The following LMO3 variants were observed in gnomAD, a reference collection of about 807,000 sequenced individuals.
LMO3 encodes LIM domain only 3.
Under a neutral mutation model 15.8 loss-of-function variants are expected in LMO3, and 2 were observed. The ratio of observed to expected loss-of-function variants is 0.13; its 90% CI spans 0.05 to 0.40. LMO3 has a LOEUF of 0.40. LMO3 is among the 10% of genes least tolerant of loss of function. The pLI is 0.99. For synonymous variants in LMO3, 62 were observed against 63.8 expected (o/e 0.97, Z 0.13); for missense variants, 86 against 182.2 (o/e 0.47, Z 3.04).
rs532025072 is a variant in LMO3, at chr12:16,585,166, C to T, written c.206+15489G>A. On this transcript the variant is annotated intron_variant, in intron 2 of 3. Transcript: ENST00000537304. This position sits in a 1 kb window ranked among gnomAD's most constrained non-coding sequence, Gnocchi z 4.7. ...GGCGCATGCAAGCCCCAGTTCACAA[C>T]GTTATTTTTCCTTCCAGACTCCGGA... is the stretch of plus-strand genomic sequence containing the variant. 1.3e-5 allele frequency among the ~76,000 whole-genome samples: 2 copies of T among 152,284 alleles called. No homozygotes were observed. Among genetic ancestry groups the T allele is most frequent in the African/African-American group, 4.8e-5 (2 of 41,564 alleles).
chr12:16,586,459 G>A lies in LMO3; in HGVS notation c.206+14196C>T, dbSNP rs1367582247. Among the ~76,000 whole-genome samples the A allele has an allele frequency of 6.6e-6, 1 of 152,128 alleles. No homozygotes were observed. Among genetic ancestry groups the A allele is most frequent in the Non-Finnish European group, 1.5e-5 (1 of 68,038 alleles). ...CACACAGCTGAGTCACAGAGGCCCT[G>A]GACAATGTGTCTGGACAAATCTCAC... On this transcript the variant is annotated intron_variant, in intron 2 of 3. Coordinates refer to ENST00000537304, the MANE Select transcript of LMO3 (RefSeq NM_018640.5). This position sits in a 1 kb window ranked among gnomAD's most constrained non-coding sequence, Gnocchi z 4.3.
chr12:16,603,721 G>A lies in LMO3; in HGVS notation c.-9+2345C>T, dbSNP rs990608845. Among the ~76,000 whole-genome samples, 15 of 152,100 alleles carry A rather than the reference G, an allele frequency of 9.9e-5. No individual in the cohort carries two copies. The highest frequency in any genetic ancestry group is 8.8e-5 in the Non-Finnish European group (6 of 68,030). On this transcript the variant is annotated intron_variant, in intron 1 of 3. Coordinates refer to ENST00000537304, the MANE Select transcript of LMO3 (RefSeq NM_018640.5). This position sits in a 1 kb window ranked among gnomAD's most constrained non-coding sequence, Gnocchi z 4.9. ...AATTGCCTGGATTGCATTGTGAAGC[G>A]GCCTAACGGTTGATTGCCTCCATTA... is the stretch of plus-strand genomic sequence containing the variant.
chr12:16,553,546 T>C (rs1307815648), intron 3 of LMO3, among the ~76,000 whole-genome samples: 1 of 152,146 alleles, frequency 6.6e-6, no homozygotes, highest in African/African-American at 2.4e-5. Context: ...TGTTATCAAC[T>C]GGATAAAGTG....
intron 2 of LMO3, among the ~76,000 whole-genome samples, chr12:16,566,481 C>T (rs1420755941): frequency 6.6e-6 from 1 of 151,888 alleles, no homozygotes; most frequent in Non-Finnish European, 1.5e-5. Context: ...TAGATCATTA[C>T]ACAAAATATA....
intron 2 of LMO3, among the ~76,000 whole-genome samples, chr12:16,566,024 ATATATATATATATAT>A (rs1942593683): frequency 8.3e-5 from 7 of 84,370 alleles, no homozygotes; most frequent in Admixed American, 2.3e-4. Context: ...ATATATATAT[ATATATATATATATAT>A]AAAATGGAGT....
At position 16,597,086 on chromosome 12, in the gene LMO3, A is replaced by G. The variant is rs1346712389; in HGVS notation, c.206+3569T>C. Among the ~76,000 whole-genome samples, 1 of 151,684 alleles carries G rather than the reference A, an allele frequency of 6.6e-6. No homozygotes were observed. The highest frequency in any genetic ancestry group is 1.9e-4 in the East Asian group (1 of 5,198). On this transcript the variant is annotated intron_variant, in intron 2 of 3. Transcript: ENST00000537304. This position sits in a 1 kb window ranked among gnomAD's most constrained non-coding sequence, Gnocchi z 5.0. ...TAGCTAATGAGTTTCCAAAGGAGGA[A>G]AGCAATCCCACAAATGGGCAAATTC... is the stretch of plus-strand genomic sequence containing the variant.
intron 1 of LMO3, chr12:16,605,280 G>GA: frequency 1.6e-5 from 19 of 1,195,530 alleles, no homozygotes; most frequent in Non-Finnish European, 2.0e-5. Flanking sequence ...TGTTCAATAT[G>GA]AAAAAGATCA....
upstream of LMO3, chr12:16,608,669 A>T (rs1318150876): frequency 6.6e-6 from 1 of 151,894 alleles, no homozygotes; most frequent in Non-Finnish European, 1.5e-5. This position sits in a 1 kb window ranked among gnomAD's most constrained non-coding sequence, Gnocchi z 4.1. Context: ...CATTTCCCCC[A>T]CACTTATAAG....
intron 2 of LMO3, among the ~76,000 whole-genome samples, chr12:16,566,030 ATAT>A (rs1942595632): frequency 1.2e-5 from 1 of 82,120 alleles, no homozygotes; most frequent in African/African-American, 4.8e-5. Context: ...ATATATATAT[ATAT>A]ATATATAAAA....
Position 16,599,022 on chromosome 12 carries a change from G to T in LMO3, c.206+1633C>A, listed in dbSNP as rs1028085636. The T allele has an allele frequency of 5.9e-5, 12 of 204,278 alleles. No homozygotes were observed. Among genetic ancestry groups the T allele is most frequent in the Non-Finnish European group, 1.2e-4 (11 of 95,520 alleles). The allele number at this position is 204,278 out of a possible 1,614,324, so 12.7% of individuals were successfully genotyped here. A position where few individuals can be genotyped will look rare whatever the true frequency, so the allele number is the denominator to read the frequency against. ...AAGGAGTCAAAAAGCTATGACTATT[G>T]GTTAGTACAGATAAAGCAAAACTAA... On this transcript the variant is annotated intron_variant, in intron 2 of 3. Coordinates refer to ENST00000537304, the MANE Select transcript of LMO3 (RefSeq NM_018640.5). This position sits in a 1 kb window ranked among gnomAD's most constrained non-coding sequence, Gnocchi z 4.1.
In LMO3 at chr12:16,598,858, T is replaced by A. The variant is rs1409713710; in HGVS notation, c.206+1797A>T. 4.8e-6 allele frequency: 1 copy of A among 209,020 alleles called. No homozygotes were observed. Among genetic ancestry groups the A allele is most frequent in the African/African-American group, 2.3e-5 (1 of 42,966 alleles). The allele number at this position is 209,020 out of a possible 1,614,324, so 12.9% of individuals were successfully genotyped here. A position where few individuals can be genotyped will look rare whatever the true frequency, so the allele number is the denominator to read the frequency against. ...AAAACCCCAGATATTTCAGTTGACA[T>A]TCTTTCAAGTTTACTTAATTTTTGT... On this transcript the variant is annotated intron_variant, in intron 2 of 3. Coordinates refer to ENST00000537304, the MANE Select transcript of LMO3 (RefSeq NM_018640.5). This position sits in a 1 kb window ranked among gnomAD's most constrained non-coding sequence, Gnocchi z 4.3.
chr12:16,599,976 G>A lies in LMO3; in HGVS notation c.206+679C>T, dbSNP rs1565513996. On this transcript the variant is annotated intron_variant, in intron 2 of 3. Coordinates refer to ENST00000537304, the MANE Select transcript of LMO3 (RefSeq NM_018640.5). The surrounding 1 kb of genome is among the most constrained non-coding windows in gnomAD (Gnocchi z 4.1). ...GCTTAGTTGTATTTTTGAGATTCCCGTTTAGAATGTCATGAGGTGGGGCGA... is the reference window on the plus strand; with the variant it reads ...GCTTAGTTGTATTTTTGAGATTCCCATTTAGAATGTCATGAGGTGGGGCGA... 6.6e-6 allele frequency: 1 copy of A among 152,042 alleles called. No individual in the cohort carries two copies. The highest frequency in any genetic ancestry group is 1.5e-5 in the Non-Finnish European group (1 of 68,010). 9.4% of individuals were successfully genotyped at this position (152,042 alleles called of 1,614,324 possible).
Position 16,550,918 on chromosome 12 carries a change from TAC to T in LMO3, c.*302_*303del, listed in dbSNP as rs1941963455. ...TGTATTACATTTGTGCTTCAAATAT[TAC>T]AATACATTATATACAATAGTCCAAA... On this transcript the variant is annotated 3_prime_UTR_variant, in exon 4 of 4. Coordinates refer to ENST00000537304, the MANE Select transcript of LMO3 (RefSeq NM_018640.5). 1 of 246,856 alleles carries T rather than the reference TAC, an allele frequency of 4.1e-6. No homozygotes were observed. The highest frequency in any genetic ancestry group is 7.9e-6 in the Non-Finnish European group (1 of 126,892). 15.3% of individuals were successfully genotyped at this position (246,856 alleles called of 1,614,324 possible).
Position 16,576,671 on chromosome 12 carries a change from C to T in LMO3, c.207-16133G>A, listed in dbSNP as rs1943005881. On this transcript the variant is annotated intron_variant, in intron 2 of 3. Coordinates refer to ENST00000537304, the MANE Select transcript of LMO3 (RefSeq NM_018640.5). This position sits in a 1 kb window ranked among gnomAD's most constrained non-coding sequence, Gnocchi z 4.1. ...CTCTGCACCTAACACATGTGATGTT[C>T]ATATGCTCCATAACTGCTGAATTAG... Among the ~76,000 whole-genome samples, 1 of 152,184 alleles carries T rather than the reference C, an allele frequency of 6.6e-6. No homozygotes were observed. The highest frequency in any genetic ancestry group is 2.4e-5 in the African/African-American group (1 of 41,450).
chr12:16,554,541 G>C (rs1001659376), intron 3 of LMO3, among the ~76,000 whole-genome samples: 2 of 152,004 alleles, frequency 1.3e-5, no homozygotes, highest in African/African-American at 4.8e-5. Context: ...TGACAGTCCG[G>C]TTGTCATTAT....
At chr12:16,561,522 TA>T in intron 2 of LMO3, among the ~76,000 whole-genome samples, 1 of 152,298 alleles carries the variant, frequency 6.6e-6, no homozygotes, top group African/African-American at 2.4e-5. Context: ...AAAGCAGTTC[TA>T]AACTAATGAA....
upstream of LMO3, chr12:16,607,977 C>A (rs949248226): frequency 6.6e-6 from 1 of 152,070 alleles, no homozygotes; most frequent in Non-Finnish European, 1.5e-5. Context: ...TTAATGAGAA[C>A]CCCTTAGTTG....
At chr12:16,554,013 C>T (rs1257583857) in intron 3 of LMO3, among the ~76,000 whole-genome samples, 1 of 151,918 alleles carries the variant, frequency 6.6e-6, no homozygotes, top group Non-Finnish European at 1.5e-5. Flanking sequence ...ATTAATTTTA[C>T]CCTCATTTAA....
rs1943188881 is a variant in LMO3 at position 16,582,363 on chromosome 12, C to T, written c.206+18292G>A. On this transcript the variant is annotated intron_variant, in intron 2 of 3. Transcript: ENST00000537304. The surrounding 1 kb of genome is among the most constrained non-coding windows in gnomAD (Gnocchi z 4.1). Reference sequence around the variant, plus strand: ...TAGTATTATTCATTTTAGACAGTGACAGACTATTTGCTAATATCTTTCAAG... The same window carrying T: ...TAGTATTATTCATTTTAGACAGTGATAGACTATTTGCTAATATCTTTCAAG... Among the ~76,000 whole-genome samples, 1 of 152,192 alleles carries T rather than the reference C, an allele frequency of 6.6e-6. No homozygotes were observed. Among genetic ancestry groups the T allele is most frequent in the Non-Finnish European group, 1.5e-5 (1 of 68,034 alleles).
Sources: allele counts gnomAD v4.1 joint callset (sites outside exome capture counted in the v4.1 genomes callset), GRCh38; gene constraint gnomAD v4.1.1; non-coding constraint Gnocchi (gnomAD v3.1); transcripts MANE v1.5; gene names NCBI Gene and HGNC (gene_info 2026-07-23, HGNC 2026-07-21).